FAM47A: variants seen among roughly 807,000 people sequenced by gnomAD.
The protein encoded by FAM47A is family with sequence similarity 47 member A.
FAM47A carries 1 observed loss-of-function variant against 2.6 expected under a neutral mutation model. That is an observed-to-expected ratio of 0.39 (90% CI 0.14 to 1.83). The LOEUF (loss-of-function observed/expected upper bound fraction) is 1.83, where lower values mean the gene tolerates loss of function less well. FAM47A is among the 40% of genes most tolerant of loss of function. FAM47A has a pLI of 0.32. For missense variants in FAM47A, 657 were observed against 673.1 expected (o/e 0.98, Z 0.26); for synonymous variants, 278 against 270.1 (o/e 1.03, Z -0.29).
chrX:34,131,113 G>C lies in FAM47A; in HGVS notation c.1166C>G (p.Pro389Arg), dbSNP rs200790787. 4.2e-6 allele frequency: 5 copies of C among 1,194,275 alleles called. No homozygotes were observed. The Admixed American group carries it at 9.0e-5, about 22-fold the overall frequency. ...PSKTGVSHLS[P>R]EPPKTEVSHL... is the part of the protein sequence containing the mutation. ...AGACACTTCAGTCTTGGGAGGCTCC[G>C]GGCTGAGATGGGACACTCCAGTCTT... The change falls in exon 1 of 1, where the codon CCG becomes CGG. Residue 389 changes from proline (P) to arginine (R), a missense_variant. By Grantham distance (103) the Pro-to-Arg change is moderately radical. Transcript: ENST00000346193.
In FAM47A at chrX:34,131,685, A is replaced by T. The variant is rs1371408544; in HGVS notation, c.594T>A (p.His198Gln). 2 of 1,209,280 alleles carry T rather than the reference A, an allele frequency of 1.7e-6. No homozygotes were observed. The highest frequency in any genetic ancestry group is 2.2e-5 in the Admixed American group (1 of 45,823). ...CLKPPETPVS[H>Q]LLPEPPETGV... Reference sequence around the variant, plus strand: ...CAGTCTCGGGAGGCTCTGGGAGGAGATGGGACACCGGAGTCTCGGGAGGCT... The same window carrying T: ...CAGTCTCGGGAGGCTCTGGGAGGAGTTGGGACACCGGAGTCTCGGGAGGCT... The change falls in exon 1 of 1, where the codon CAT becomes CAA. Residue 198 changes from histidine to glutamine, a missense_variant. Coordinates refer to ENST00000346193, the MANE Select transcript of FAM47A (RefSeq NM_203408.4).
rs1201936192 is a variant in FAM47A at position 34,130,511 on chromosome X, T to C, written c.1768A>G (p.Ser590Gly). 2 of 1,211,595 alleles carry C rather than the reference T, an allele frequency of 1.7e-6. No individual in the cohort carries two copies. The highest frequency in any genetic ancestry group is 1.1e-6 in the Non-Finnish European group (1 of 895,498). Reference sequence around the variant, plus strand: ...GAGTCAGAAACGCACTCTTTTGTGCTTGGTGTATCTTCCTGAAGCAGTTCT... The same window carrying C: ...GAGTCAGAAACGCACTCTTTTGTGCCTGGTGTATCTTCCTGAAGCAGTTCT... ...IKELLQEDTPSTKECVSDSLQ... is the reference protein window; with the variant it reads ...IKELLQEDTPGTKECVSDSLQ... Residue 590 changes from serine to glycine, a missense_variant, in exon 1 of 1, where the codon AGC becomes GGC. Around this residue, in one of 3 missense-constraint regions of FAM47A, gnomAD observed 198 missense variants for 203.4 expected, o/e 0.97. Coordinates refer to ENST00000346193, the MANE Select transcript of FAM47A (RefSeq NM_203408.4).
rs754442345 is a variant in FAM47A at position 34,129,921 on chromosome X, C to G, written c.2358G>C (p.Glu786Asp). ...AAACTGCCTAATCTTCTTCCGATGC[C>G]TCTACGATTTCTTTGTACTTGTAAA... ...MIFYKYKEIV[E>D]ASEED Residue 786 changes from glutamate to aspartate, a missense_variant, in exon 1 of 1, where the codon GAG (glutamate) becomes GAC (aspartate). Physicochemically the swap from Glu to Asp is conservative, Grantham distance 45. Transcript: ENST00000346193. The G allele has an allele frequency of 1.5e-5, 18 of 1,194,413 alleles. No individual in the cohort carries two copies. The highest frequency in any genetic ancestry group is 1.7e-5 in the Non-Finnish European group (15 of 887,375).
Position 34,132,079 on chromosome X carries a change from T to A in FAM47A, c.200A>T (p.Asp67Val), listed in dbSNP as rs199588622. The A allele has an allele frequency of 8.3e-7, 1 of 1,208,564 alleles. No individual in the cohort carries two copies. Among genetic ancestry groups the A allele is most frequent in the African/African-American group, 1.8e-5 (1 of 57,064 alleles). The change falls in exon 1 of 1, where the codon GAT (aspartate) becomes GTT (valine). Residue 67 changes from aspartate (D) to valine (V), a missense_variant. Physicochemically the swap from Asp to Val is radical, Grantham distance 152. This residue lies in a region of FAM47A where 436 missense variants were observed against 414.1 expected (regional missense o/e 1.05). Coordinates refer to ENST00000346193, the MANE Select transcript of FAM47A (RefSeq NM_203408.4). ...CTCGTCACGGCGACAAACGAGAGTATCTTCGGGAGACGGACAGCCGTAGCG... is the reference window on the plus strand; with the variant it reads ...CTCGTCACGGCGACAAACGAGAGTAACTTCGGGAGACGGACAGCCGTAGCG... ...DFRYGCPSPE[D>V]TLVCRRDEFL...
At position 34,131,150 on chromosome X, in the gene FAM47A, C is replaced by A. The variant is rs1811716; in HGVS notation, c.1129G>T (p.Ala377Ser). The change falls in exon 1 of 1, where the codon GCG becomes TCG. Residue 377 changes from alanine to serine, a missense_variant. Physicochemically the swap from Ala to Ser is moderately conservative, Grantham distance 99 (BLOSUM62 1). This residue lies in a region of FAM47A where 436 missense variants were observed against 414.1 expected (regional missense o/e 1.05). Transcript: ENST00000346193. ...PKTRRGSSLHAEPSKTGVSHL... is the reference protein window; with the variant it reads ...PKTRRGSSLHSEPSKTGVSHL... The stretch of plus-strand genomic sequence containing the variant: ...GACACTCCAGTCTTGGAAGGCTCCG[C>A]GTGGAGACTGGACCCCCGACGAGTC... 218,470 of 1,172,698 alleles carry A rather than the reference C, an allele frequency of 0.19. 14,757 individuals carry two copies. Among genetic ancestry groups the A allele is most frequent in the African/African-American group, 0.39 (20,336 of 52,210 alleles).
rs774608883 is a variant in FAM47A, at chrX:34,131,248, G to C, written c.1031C>G (p.Thr344Ser). 1 of 1,209,357 alleles carries C rather than the reference G, an allele frequency of 8.3e-7. No homozygotes were observed. Among genetic ancestry groups the C allele is most frequent in the Non-Finnish European group, 1.1e-6 (1 of 894,662 alleles). ...CGAGCGGAGACTGGACCCCCGACGA[G>C]TCTTGGAATGCTCTAGGCGGAGATG... ...ESHLRLEHSKTRRGSSLRSEP... is the reference protein window; with the variant it reads ...ESHLRLEHSKSRRGSSLRSEP... Residue 344 changes from threonine to serine, a missense_variant, in exon 1 of 1, where the codon ACT becomes AGT. This residue lies in a region of FAM47A where 436 missense variants were observed against 414.1 expected (regional missense o/e 1.05). Coordinates refer to ENST00000346193, the MANE Select transcript of FAM47A (RefSeq NM_203408.4).
At position 34,131,163 on chromosome X, in the gene FAM47A, C is replaced by T. The variant is rs769693093; in HGVS notation, c.1116G>A (p.Gly372=). 5 of 1,189,030 alleles carry T rather than the reference C, an allele frequency of 4.2e-6. No homozygotes were observed. The highest frequency in any genetic ancestry group is 3.4e-6 in the Non-Finnish European group (3 of 880,827). ...TGGAAGGCTCCGCGTGGAGACTGGA[C>T]CCCCGACGAGTCTTGGGAGGCGCTA... ...LRLAPPKTRR[G]SSLHAEPSKT... is the part of the protein sequence containing the mutation. Residue 372 remains glycine, a synonymous_variant, in exon 1 of 1, where the codon GGG becomes GGA. Coordinates refer to ENST00000346193, the MANE Select transcript of FAM47A (RefSeq NM_203408.4).
At position 34,131,050 on chromosome X, in the gene FAM47A, T is replaced by C. The variant is rs778153750; in HGVS notation, c.1229A>G (p.His410Arg). The change falls in exon 1 of 1, where the codon CAT becomes CGT. Residue 410 changes from histidine (H) to arginine (R), a missense_variant. His to Arg is a conservative substitution (Grantham distance 29). Coordinates refer to ENST00000346193, the MANE Select transcript of FAM47A (RefSeq NM_203408.4). ...AGTGTCGGGAGGTTCCAGGCGGAGATGGCACACTCCAGTCTTGGGAGGCAC... is the reference window on the plus strand; with the variant it reads ...AGTGTCGGGAGGTTCCAGGCGGAGACGGCACACTCCAGTCTTGGGAGGCAC... ...HPVPPKTGVC[H>R]LRLEPPDTSQ... 24 of 1,188,740 alleles carry C rather than the reference T, an allele frequency of 2.0e-5. No homozygotes were observed. The African/African-American group carries it at 3.0e-4, about 15-fold the overall frequency.
At position 34,130,237 on chromosome X, in the gene FAM47A, G is replaced by A. The variant is rs770609384; in HGVS notation, c.2042C>T (p.Thr681Met). The change falls in exon 1 of 1, where the codon ACG (threonine) becomes ATG (methionine). Residue 681 changes from threonine (T) to methionine (M), a missense_variant. Thr to Met is a moderately conservative substitution (Grantham distance 81). Around this residue, in one of 3 missense-constraint regions of FAM47A, gnomAD observed 198 missense variants for 203.4 expected, o/e 0.97. Transcript: ENST00000346193. ...QEKYWGRKFHTPSNSYTAQRV... is the reference protein window; with the variant it reads ...QEKYWGRKFHMPSNSYTAQRV... ...CTGTGCGGTATAAGAATTCGATGGC[G>A]TGTGGAATTTCCTGCCCCAGTATTT... The A allele has an allele frequency of 5.0e-6, 6 of 1,211,016 alleles. No individual in the cohort carries two copies. Among genetic ancestry groups the A allele is most frequent in the South Asian group, 3.5e-5 (2 of 56,754 alleles).
Position 34,131,259 on chromosome X carries a change from C to T in FAM47A, c.1020G>A (p.Glu340=), listed in dbSNP as rs1302184395. 16 of 1,208,086 alleles carry T rather than the reference C, an allele frequency of 1.3e-5. No individual in the cohort carries two copies. Among genetic ancestry groups the T allele is most frequent in the Non-Finnish European group, 1.7e-5 (15 of 894,533 alleles). ...PETGESHLRL[E]HSKTRRGSSL... is the part of the protein sequence containing the mutation. ...TGGACCCCCGACGAGTCTTGGAATG[C>T]TCTAGGCGGAGATGGGACTCTCCAG... The change falls in exon 1 of 1, where the codon GAG becomes GAA. Residue 340 remains glutamate, a synonymous_variant. Transcript: ENST00000346193.
At position 34,130,990 on chromosome X, in the gene FAM47A, T is replaced by G. The variant is rs1026059843; in HGVS notation, c.1289A>C (p.Lys430Thr). The change falls in exon 1 of 1, where the codon AAA becomes ACA. Residue 430 changes from lysine to threonine, a missense_variant. Lys to Thr is a moderately conservative substitution (Grantham distance 78). Coordinates refer to ENST00000346193, the MANE Select transcript of FAM47A (RefSeq NM_203408.4). ...CAGCGTCCTCCCAGAATCCAGCACT[T>G]TCAGTATGTATAGTAGGAGATTGGA... Reference protein sequence around the residue: ...QVSNLLLYILKVLDSGRTLKD... With the variant: ...QVSNLLLYILTVLDSGRTLKD... 4.7e-5 allele frequency: 56 copies of G among 1,193,493 alleles called. No homozygotes were observed. Among genetic ancestry groups the G allele is most frequent in the Non-Finnish European group, 6.1e-5 (54 of 885,873 alleles).
At position 34,130,391 on chromosome X, in the gene FAM47A, C is replaced by T; in HGVS notation, c.1888G>A (p.Asp630Asn). The change falls in exon 1 of 1, where the codon GAC (aspartate) becomes AAC (asparagine). Residue 630 changes from aspartate to asparagine, a missense_variant. Physicochemically the swap from Asp to Asn is conservative, Grantham distance 23 (BLOSUM62 1). Coordinates refer to ENST00000346193, the MANE Select transcript of FAM47A (RefSeq NM_203408.4). The part of the protein sequence containing the change: ...ADEESIRNLF[D>N]FTPKYRATHE... ...GTTGCTCTGTACTTGGGGGTAAAGT[C>T]AAACAGATTCCTGATGGATTCTTCA... The T allele has an allele frequency of 8.3e-7, 1 of 1,211,737 alleles. No homozygotes were observed. Among genetic ancestry groups the T allele is most frequent in the Non-Finnish European group, 1.1e-6 (1 of 895,541 alleles).
rs201131731 is a variant in FAM47A, at chrX:34,131,108, G to A, written c.1171C>T (p.Pro391Ser). Residue 391 changes from proline to serine, a missense_variant, in exon 1 of 1, where the codon CCT becomes TCT. Pro to Ser is a moderately conservative substitution (Grantham distance 74). Transcript: ENST00000346193. The stretch of plus-strand genomic sequence containing the variant: ...AGATGAGACACTTCAGTCTTGGGAG[G>A]CTCCGGGCTGAGATGGGACACTCCA... ...KTGVSHLSPEPPKTEVSHLHP... is the reference protein window; with the variant it reads ...KTGVSHLSPESPKTEVSHLHP... The A allele has an allele frequency of 2.1e-5, 25 of 1,196,164 alleles. No homozygotes were observed. In the East Asian group the frequency reaches 7.5e-4, roughly 36 times the overall value.
rs904576106 is a variant in FAM47A at position 34,130,308 on chromosome X, G to C, written c.1971C>G (p.Ser657Arg). ...VKECSSELKY[S>R]MELDEKDEDK... ...CCTCATCCTTTTCATCTAGCTCCAT[G>C]CTGTACTTCAGCTCTGAGGAACACT... The change falls in exon 1 of 1, where the codon AGC becomes AGG. Residue 657 changes from serine to arginine, a missense_variant. Coordinates refer to ENST00000346193, the MANE Select transcript of FAM47A (RefSeq NM_203408.4). 1 of 1,209,285 alleles carries C rather than the reference G, an allele frequency of 8.3e-7. No individual in the cohort carries two copies. The highest frequency in any genetic ancestry group is 1.8e-5 in the African/African-American group (1 of 57,045).
rs1922427323 is a variant in FAM47A at position 34,130,663 on chromosome X, C to T, written c.1616G>A (p.Arg539Gln). The T allele has an allele frequency of 1.7e-6, 2 of 1,206,858 alleles. No homozygotes were observed. The change falls in exon 1 of 1, where the codon CGA becomes CAA. Residue 539 changes from arginine (R) to glutamine (Q), a missense_variant. Arg to Gln is a conservative substitution (Grantham distance 43). Coordinates refer to ENST00000346193, the MANE Select transcript of FAM47A (RefSeq NM_203408.4). ...SLGPEPPKTR[R>Q]VSSLRPELPK... ...AAGCTCCGGGCGGAGACTGGACACTCGACGAGTCTTGGGAGGCTCCGGACC... is the reference window on the plus strand; with the variant it reads ...AAGCTCCGGGCGGAGACTGGACACTTGACGAGTCTTGGGAGGCTCCGGACC...
chrX:34,130,507 G>A lies in FAM47A; in HGVS notation c.1772C>T (p.Thr591Ile), dbSNP rs890517281. 8.3e-7 allele frequency: 1 copy of A among 1,209,794 alleles called. No individual in the cohort carries two copies. Among genetic ancestry groups the A allele is most frequent in the Middle Eastern group, 2.3e-4 (1 of 4,374 alleles). ...KELLQEDTPS[T>I]KECVSDSLQY... ...AAGAGAGTCAGAAACGCACTCTTTTGTGCTTGGTGTATCTTCCTGAAGCAG... is the reference window on the plus strand; with the variant it reads ...AAGAGAGTCAGAAACGCACTCTTTTATGCTTGGTGTATCTTCCTGAAGCAG... Residue 591 changes from threonine to isoleucine, a missense_variant, in exon 1 of 1, where the codon ACA becomes ATA. Coordinates refer to ENST00000346193, the MANE Select transcript of FAM47A (RefSeq NM_203408.4).
Position 34,130,532 on chromosome X carries a change from G to A in FAM47A, c.1747C>T (p.Leu583=), listed in dbSNP as rs1922420024. Residue 583 remains leucine, a synonymous_variant, in exon 1 of 1, where the codon CTG becomes TTG. Transcript: ENST00000346193. ...PKIRASYIKE[L]LQEDTPSTKE... is the part of the protein sequence containing the mutation. ...GTGCTTGGTGTATCTTCCTGAAGCA[G>A]TTCTTTTATGTAGGATGCTCGAATC... 1.7e-6 allele frequency: 2 copies of A among 1,211,684 alleles called. No individual in the cohort carries two copies. The highest frequency in any genetic ancestry group is 1.8e-5 in the South Asian group (1 of 56,963).
chrX:34,130,003 G>T lies in FAM47A; in HGVS notation c.2276C>A (p.Ala759Asp). 8.3e-7 allele frequency: 1 copy of T among 1,211,673 alleles called. No homozygotes were observed. The highest frequency in any genetic ancestry group is 1.1e-6 in the Non-Finnish European group (1 of 895,455). The change falls in exon 1 of 1, where the codon GCC (alanine) becomes GAC (aspartate). Residue 759 changes from alanine (A) to aspartate (D), a missense_variant. By Grantham distance (126) the Ala-to-Asp change is moderately radical. Coordinates refer to ENST00000346193, the MANE Select transcript of FAM47A (RefSeq NM_203408.4). The stretch of plus-strand genomic sequence containing the variant: ...AGAGTCATAAGTCCATCCCCTCCTG[G>T]CAAACAGCCTTTGAATGATGCCAGG... Reference protein sequence around the residue: ...EMPGIIQRLFARRGWTYDSVK... With the variant: ...EMPGIIQRLFDRRGWTYDSVK...
chrX:34,130,365 G>A lies in FAM47A; in HGVS notation c.1914C>T (p.Thr638=). The A allele has an allele frequency of 4.1e-6, 5 of 1,211,660 alleles. No homozygotes were observed. The highest frequency in any genetic ancestry group is 5.6e-6 in the Non-Finnish European group (5 of 895,512). The change falls in exon 1 of 1, where the codon ACC becomes ACT. Residue 638 remains threonine (T), a synonymous_variant. Transcript: ENST00000346193. ...LFDFTPKYRA[T]HEDQKFKKVK... ...CTTTCTTAAACTTTTGGTCCTCATGGGTTGCTCTGTACTTGGGGGTAAAGT... is the reference window on the plus strand; with the variant it reads ...CTTTCTTAAACTTTTGGTCCTCATGAGTTGCTCTGTACTTGGGGGTAAAGT...
Sources: gnomAD v4.1 joint callset for allele counts on GRCh38, gnomAD v4.1.1 for gene constraint, gnomAD v4.1.1 regional missense constraint, MANE v1.5 for transcripts, NCBI Gene and HGNC (gene_info 2026-07-23, HGNC 2026-07-21) for gene names.